The following CFAP91 variants were observed in gnomAD, a reference collection of about 807,000 sequenced individuals.
CFAP91 encodes cilia- and flagella-associated protein 91.
In CFAP91, 85 loss-of-function variants were observed where a neutral mutation model predicts 95.9. The ratio of observed to expected loss-of-function variants is 0.89; its 90% CI spans 0.74 to 1.06. CFAP91 has a LOEUF of 1.06. Ranked by LOEUF, CFAP91 falls within the 50% of genes least tolerant of loss-of-function variation. CFAP91 has a pLI of 0.00. For missense variants in CFAP91, 962 were observed against 943.4 expected (o/e 1.02, Z -0.26); for synonymous variants, 335 against 327.5 (o/e 1.02, Z -0.25).
intron 7 of CFAP91, 40 bp downstream of exon 7, chr3:119,726,388 T>G: frequency 1.9e-6 from 3 of 1,545,316 alleles, no homozygotes; most frequent in Non-Finnish European, 2.6e-6. Context: ...CCTGCACTGG[T>G]GGGAATAATG....
intron 2 of CFAP91, 23 bp from the exon 3 acceptor site, chr3:119,707,381 T>G (rs1329048869): frequency 6.6e-7 from 1 of 1,506,724 alleles, no homozygotes; most frequent in Non-Finnish European, 9.0e-7. Flanking sequence ...ATTTTGTCCT[T>G]TGCCTCCCTT....
intron 4 of CFAP91, 128 bp from the exon 5 acceptor site, chr3:119,709,705 AAGTTTG>A: frequency 1.4e-6 from 1 of 690,174 alleles, no homozygotes; most frequent in South Asian, 1.8e-5. Context: ...TTATGTCCAG[AAGTTTG>A]AGTAACACTG....
At position 119,727,920 on chromosome 3, in the gene CFAP91, A is replaced by G. The variant is rs143587030; in HGVS notation, c.860+1572A>G. Reference sequence around the variant, plus strand: ...AATACTTGAGAAGTGTTGGTCTGAGATTTTTTGCACCGTCTCCTTGCCCAT... The same window carrying G: ...AATACTTGAGAAGTGTTGGTCTGAGGTTTTTTGCACCGTCTCCTTGCCCAT... On this transcript the variant is annotated intron_variant, in intron 7 of 17. Transcript: ENST00000273390. Among the ~76,000 whole-genome samples, 449 of 152,056 alleles carry G rather than the reference A, an allele frequency of 3.0e-3. 4 individuals are homozygous for G. The highest frequency in any genetic ancestry group is 0.011 in the African/African-American group (437 of 41,478).
chr3:119,738,642 C>T (rs2107896960), intron 11 of CFAP91, among the ~76,000 whole-genome samples: 1 of 152,122 alleles, frequency 6.6e-6, no homozygotes, highest in South Asian at 2.1e-4. Context: ...AGCCACTGTG[C>T]CCAGCCTGAC....
At chr3:119,719,879 G>T (rs1262019040) in intron 6 of CFAP91, among the ~76,000 whole-genome samples, 1 of 151,868 alleles carries the variant, frequency 6.6e-6, no homozygotes, top group African/African-American at 2.4e-5. Context: ...GAGGCAGGCG[G>T]ATCACTTGAG....
At chr3:119,759,773 C>T (rs1375832713) in intron 17 of CFAP91, among the ~76,000 whole-genome samples, 1 of 151,860 alleles carries the variant, frequency 6.6e-6, no homozygotes, top group African/African-American at 2.4e-5. Flanking sequence ...AGAGTTCTTG[C>T]ATGCAATCAA....
chr3:119,734,388 C>T (rs1489668885), intron 10 of CFAP91, among the ~76,000 whole-genome samples: 2 of 152,130 alleles, frequency 1.3e-5, no homozygotes, highest in Admixed American at 1.3e-4. Flanking sequence ...TCTCCTTTCA[C>T]CCATCCTGAA....
intron 1 of CFAP91, among the ~76,000 whole-genome samples, chr3:119,705,378 T>C (rs2053339512): frequency 6.6e-6 from 1 of 152,224 alleles, no homozygotes; most frequent in Non-Finnish European, 1.5e-5. Context: ...ATGTGATTAG[T>C]TCCCTAGTTA....
At chr3:119,733,207 A>G (rs1013419817) in intron 9 of CFAP91, among the ~76,000 whole-genome samples, 157 bp from the exon 10 acceptor site, 1 of 152,258 alleles carries the variant, frequency 6.6e-6, no homozygotes, top group Non-Finnish European at 1.5e-5. Flanking sequence ...GAAATGTGCT[A>G]TTACATTTCA....
chr3:119,715,248 A>G, intron 5 of CFAP91: 1 of 421,638 alleles, frequency 2.4e-6, no homozygotes, highest in East Asian at 5.2e-5. Flanking sequence ...CAGGTTCAGA[A>G]GTGCTGTACA....
intron 5 of CFAP91, among the ~76,000 whole-genome samples, chr3:119,712,806 T>G (rs1050513796): frequency 6.6e-6 from 1 of 151,832 alleles, no homozygotes; most frequent in African/African-American, 2.4e-5. Flanking sequence ...AATACAAAAA[T>G]TAGCTGGGTG....
chr3:119,729,192 A>G (rs554934194), intron 7 of CFAP91, among the ~76,000 whole-genome samples: 89 of 152,338 alleles, frequency 5.8e-4, no homozygotes, highest in African/African-American at 2.0e-3. Context: ...GACATGAGCC[A>G]GGGAATACAA....
chr3:119,742,678 G>T (rs2054143747), intron 13 of CFAP91, among the ~76,000 whole-genome samples: 1 of 152,122 alleles, frequency 6.6e-6, no homozygotes, highest in Admixed American at 6.6e-5. Context: ...TCTTAGCTTT[G>T]CCCTTTTTTT....
chr3:119,733,614 T>G (rs993327334), intron 10 of CFAP91, 108 bp downstream of exon 10: 4 of 1,120,734 alleles, frequency 3.6e-6, no homozygotes, highest in African/African-American at 1.6e-5. Context: ...TAGACCTACA[T>G]TCTCTGCTCT....
intron 17 of CFAP91, among the ~76,000 whole-genome samples, chr3:119,757,646 C>T (rs2054458643): frequency 6.6e-6 from 1 of 151,890 alleles, no homozygotes; most frequent in Admixed American, 6.6e-5. Context: ...GACCTTGTCT[C>T]AATAATAATA....
chr3:119,733,048 A>C (rs890172427), intron 9 of CFAP91, among the ~76,000 whole-genome samples: 8 of 152,238 alleles, frequency 5.3e-5, no homozygotes, highest in Non-Finnish European at 7.3e-5. Flanking sequence ...CGTCTACTTT[A>C]GAAGGGTGGC....
chr3:119,732,429 A>C lies in CFAP91; in HGVS notation c.1154A>C (p.Asn385Thr), dbSNP rs556925393. 1.8e-5 allele frequency: 29 copies of C among 1,610,730 alleles called. No homozygotes were observed. In the South Asian group the frequency reaches 2.7e-4, roughly 15 times the overall value. Residue 385 changes from asparagine to threonine, a missense_variant, in exon 9 of 18, where the codon AAC (asparagine) becomes ACC (threonine). Transcript: ENST00000273390. ...LSRLGCFPDN[N>T]SEDFVVKNYY... Reference sequence around the variant, plus strand: ...CGTCTTGGGTGTTTCCCAGACAACAACTCAGAGGACTTTGTAGTAAAAAAC... The same window carrying C: ...CGTCTTGGGTGTTTCCCAGACAACACCTCAGAGGACTTTGTAGTAAAAAAC...
At chr3:119,745,748 G>A (rs1159825585) in intron 14 of CFAP91, among the ~76,000 whole-genome samples, 1 of 125,368 alleles carries the variant, frequency 8.0e-6, no homozygotes, top group African/African-American at 3.0e-5. Flanking sequence ...TAACTAATAG[G>A]CATTCAGCAG....
chr3:119,733,873 A>G (rs2053949292), intron 10 of CFAP91, among the ~76,000 whole-genome samples: 1 of 152,218 alleles, frequency 6.6e-6, no homozygotes, highest in African/African-American at 2.4e-5. Context: ...ATCAGGGCAT[A>G]TGAAGAAAAA....
Sources: gnomAD v4.1 joint callset for allele counts (sites outside exome capture counted in the v4.1 genomes callset) on GRCh38, gnomAD v4.1.1 for gene constraint, MANE v1.5 for transcripts, NCBI Gene and HGNC (gene_info 2026-07-23, HGNC 2026-07-21) for gene names.